ZNF469: variants seen among roughly 807,000 people sequenced by gnomAD.
ZNF469 encodes the protein zinc finger protein 469.
A neutral mutation model predicts 1.0 loss-of-function variants in ZNF469; 1 was observed. The ratio of observed to expected loss-of-function variants is 1.00; its 90% CI spans 0.35 to 4.73. The LOEUF is 4.73. Ranked by LOEUF, ZNF469 falls within the 30% of genes most tolerant of loss-of-function variation. The pLI, the probability that ZNF469 is intolerant of heterozygous loss-of-function variation, is 0.16. For synonymous variants in ZNF469, 2,703 were observed against 2,363.4 expected, an observed-to-expected ratio of 1.14 and a Z score of -4.17; for missense variants, 6,100 against 5,356.3, an observed-to-expected ratio of 1.14 and a Z score of -4.33.
intron 1 of ZNF469, among the ~76,000 whole-genome samples, chr16:88,412,245 C>T (rs1238393341): frequency 6.6e-6 from 1 of 152,250 alleles, no homozygotes; most frequent in Non-Finnish European, 1.5e-5. Flanking sequence ...GCCAGTCCCA[C>T]TTGGCCATGC....
Position 88,430,404 on chromosome 16 carries a change from G to C in ZNF469, c.2934G>C (p.Leu978=). The C allele has an allele frequency of 2.0e-6, 3 of 1,520,426 alleles. No homozygotes were observed. In the South Asian group the frequency reaches 3.6e-5, roughly 18 times the overall value. The allele number at this position is 1,520,426 out of a possible 1,614,324, so 94.2% of individuals were successfully genotyped here. The change falls in exon 3 of 3, where the codon CTG becomes CTC. Residue 978 remains leucine (L), a synonymous_variant. Coordinates refer to ENST00000565624, the MANE Select transcript of ZNF469 (RefSeq NM_001367624.2). Reference sequence around the variant, plus strand: ...GCGGCGGCGGCAGAGCCTCCGGCCTGAGGCCCCGGAGGAACGACGGTCTCG... The same window carrying C: ...GCGGCGGCGGCAGAGCCTCCGGCCTCAGGCCCCGGAGGAACGACGGTCTCG... ...GSGGGGRASG[L]RPRRNDGLGE...
the ZNF469 span, among the ~76,000 whole-genome samples, chr16:88,340,814 T>A: frequency 6.7e-6 from 1 of 149,680 alleles, no homozygotes; most frequent in South Asian, 2.1e-4. Flanking sequence ...CAGGGAGGAG[T>A]TTACAGGCAG....
At chr16:88,365,517 C>A in the ZNF469 span, among the ~76,000 whole-genome samples, 1 of 152,260 alleles carries the variant, frequency 6.6e-6, no homozygotes, top group Admixed American at 6.5e-5. Context: ...GAGCTGTCTT[C>A]CTGCTGCCAG....
chr16:88,426,248 G>A (rs1343457383), intron 2 of ZNF469, among the ~76,000 whole-genome samples: 3 of 152,228 alleles, frequency 2.0e-5, no homozygotes, highest in Non-Finnish European at 4.4e-5. Context: ...CCCTGGCCAA[G>A]TCATCCGCCT....
the ZNF469 span, among the ~76,000 whole-genome samples, chr16:88,210,939 A>G: frequency 6.6e-6 from 1 of 152,230 alleles, no homozygotes; most frequent in African/African-American, 2.4e-5. Context: ...GCATCATTGT[A>G]AAAAGCTCAT....
chr16:88,193,298 TGGG>T, the ZNF469 span, among the ~76,000 whole-genome samples: 1 of 143,568 alleles, frequency 7.0e-6, no homozygotes, highest in East Asian at 2.2e-4. Context: ...ATGGTGGTGG[TGGG>T]GTTGGTGGTG....
chr16:88,186,181 T>C, the ZNF469 span, among the ~76,000 whole-genome samples: 2 of 152,182 alleles, frequency 1.3e-5, no homozygotes, highest in Non-Finnish European at 2.9e-5. Context: ...TGGGTGTGGG[T>C]GGGCCCGGAG....
chr16:88,125,393 G>C, the ZNF469 span, among the ~76,000 whole-genome samples: 1 of 152,214 alleles, frequency 6.6e-6, no homozygotes, highest in Non-Finnish European at 1.5e-5. Context: ...TCCAAAAGAC[G>C]GAGAAAGAGG....
At chr16:88,306,151 G>A in the ZNF469 span, among the ~76,000 whole-genome samples, 1 of 152,236 alleles carries the variant, frequency 6.6e-6, no homozygotes, top group African/African-American at 2.4e-5. Flanking sequence ...ATGACAAGAG[G>A]TTCAGAAGCA....
chr16:88,410,353 G>C (rs372863408), intron 1 of ZNF469, among the ~76,000 whole-genome samples: 40 of 151,950 alleles, frequency 2.6e-4, no homozygotes, highest in African/African-American at 9.2e-4. Context: ...CTATGATGCT[G>C]TTGATGGTGC....
chr16:88,378,484 C>A (rs1046013932), upstream of ZNF469, among the ~76,000 whole-genome samples: 1 of 152,210 alleles, frequency 6.6e-6, no homozygotes, highest in African/African-American at 2.4e-5. Context: ...CTGCTCACCT[C>A]CTGCTGCACC....
At chr16:88,279,734 G>A in the ZNF469 span, among the ~76,000 whole-genome samples, 13 of 146,138 alleles carry the variant, frequency 8.9e-5, no homozygotes, top group South Asian at 2.2e-4. Context: ...TTAGTGCTGC[G>A]CCACACTGAC....
upstream of ZNF469, among the ~76,000 whole-genome samples, chr16:88,378,250 G>A (rs961369389): frequency 6.6e-6 from 1 of 152,172 alleles, no homozygotes. Context: ...CAGGGAGCAG[G>A]GGGCACCGGG....
At chr16:88,210,117 C>T in the ZNF469 span, among the ~76,000 whole-genome samples, 23 of 152,278 alleles carry the variant, frequency 1.5e-4, no homozygotes, top group Admixed American at 5.9e-4. Context: ...CGCAATGTAG[C>T]TCTGATTGAC....
chr16:88,224,599 T>A, the ZNF469 span, among the ~76,000 whole-genome samples: 1 of 152,210 alleles, frequency 6.6e-6, no homozygotes, highest in Non-Finnish European at 1.5e-5. Flanking sequence ...GCAGAGAGGC[T>A]GAGCAGCCTG....
the ZNF469 span, among the ~76,000 whole-genome samples, chr16:88,372,443 T>C: frequency 6.7e-6 from 1 of 148,912 alleles, no homozygotes; most frequent in Non-Finnish European, 1.5e-5. Flanking sequence ...ATCATCACCA[T>C]CACCATCATC....
rs1453024495 is a variant in ZNF469 at position 88,437,805 on chromosome 16, G to A, written c.10335G>A (p.Arg3445=). The change falls in exon 3 of 3, where the codon CGG becomes CGA. Residue 3445 remains arginine, a synonymous_variant. Transcript: ENST00000565624. The stretch of plus-strand genomic sequence containing the variant: ...TGAACAAGCACCTCAGGGGGGGGCG[G>A]CAGCCCTTCGCGTTCCGCGGCGTGC... ...RHMNKHLRGG[R]QPFAFRGVRR... The A allele has an allele frequency of 2.6e-6, 4 of 1,544,362 alleles. No homozygotes were observed. Among genetic ancestry groups the A allele is most frequent in the Non-Finnish European group, 3.5e-6 (4 of 1,142,550 alleles).
the ZNF469 span, among the ~76,000 whole-genome samples, chr16:88,352,219 G>A: frequency 6.6e-6 from 1 of 152,182 alleles, no homozygotes; most frequent in East Asian, 1.9e-4. Flanking sequence ...ACAATGCCAT[G>A]GACAACTCAC....
At chr16:88,322,422 T>A in the ZNF469 span, among the ~76,000 whole-genome samples, 1 of 152,216 alleles carries the variant, frequency 6.6e-6, no homozygotes, top group African/African-American at 2.4e-5. Flanking sequence ...GCCCTGCCTG[T>A]CACGTCAGTG....
Sources: allele counts gnomAD v4.1 joint callset (sites outside exome capture counted in the v4.1 genomes callset), GRCh38; gene constraint gnomAD v4.1.1; transcripts MANE v1.5; gene names NCBI Gene and HGNC (gene_info 2026-07-23, HGNC 2026-07-21).